Variants in BTRC observed in about 807,000 individuals in gnomAD.
BTRC encodes beta-transducin repeat containing E3 ubiquitin protein ligase, also known as F-box/WD repeat-containing protein 1A.
In BTRC, 42 loss-of-function variants were observed where a neutral mutation model predicts 85.5. The observed-to-expected ratio is 0.49, with a 90% CI of 0.38 to 0.64. The LOEUF (loss-of-function observed/expected upper bound fraction) is 0.64. Ranked by LOEUF, BTRC falls within the 30% of genes least tolerant of loss-of-function variation. The pLI, the probability that BTRC is intolerant of heterozygous loss-of-function variation, is 0.00. For missense variants in BTRC, 594 were observed against 743.5 expected (o/e 0.80, Z 2.34); for synonymous variants, 255 against 263.3 (o/e 0.97, Z 0.30).
intron 3 of BTRC, among the ~76,000 whole-genome samples, chr10:101,465,720 T>G (rs1281749902): frequency 6.6e-6 from 1 of 152,040 alleles, no homozygotes; most frequent in Non-Finnish European, 1.5e-5. Flanking sequence ...GAACAAGAAA[T>G]AATGAAGGTG....
chr10:101,452,229 A>G (rs1944971436), intron 2 of BTRC, among the ~76,000 whole-genome samples: 1 of 152,244 alleles, frequency 6.6e-6, no homozygotes, highest in Non-Finnish European at 1.5e-5. Flanking sequence ...TCTGCATACT[A>G]GCATAAATGC....
At chr10:101,433,028 C>T (rs1462555767) in intron 2 of BTRC, among the ~76,000 whole-genome samples, 1 of 152,080 alleles carries the variant, frequency 6.6e-6, no homozygotes, top group Admixed American at 6.6e-5. Flanking sequence ...TCACATTTGT[C>T]CAGTCGCTAA....
At position 101,553,485 on chromosome 10, in the gene BTRC, G is replaced by C. The variant is rs1015488124; in HGVS notation, c.*362G>C. The C allele has an allele frequency of 6.6e-6, 1 of 152,586 alleles. No individual in the cohort carries two copies. The highest frequency in any genetic ancestry group is 2.4e-5 in the African/African-American group (1 of 41,408). 9.5% of individuals were successfully genotyped at this position (152,586 alleles called of 1,614,324 possible). A position where few individuals can be genotyped will look rare whatever the true frequency, so the allele number is the denominator to read the frequency against. On this transcript the variant is annotated 3_prime_UTR_variant, in exon 15 of 15. Transcript: ENST00000370187. ...TATAAATATATTTAGTGTTTTGCCA[G>C]AATCTCTCTTGCTTTGCCATTAAGC...
chr10:101,436,698 A>G (rs1354506185), intron 2 of BTRC, among the ~76,000 whole-genome samples: 3 of 152,192 alleles, frequency 2.0e-5, no homozygotes, highest in Non-Finnish European at 4.4e-5. Flanking sequence ...TACTTTAGCT[A>G]TCAAGTGTAA....
chr10:101,399,070 A>G (rs965525533), intron 1 of BTRC, among the ~76,000 whole-genome samples: 2 of 152,134 alleles, frequency 1.3e-5, no homozygotes, highest in Admixed American at 1.3e-4. Flanking sequence ...CTCCTGCATC[A>G]GCCTCCTGAG....
chr10:101,415,500 T>TTTTGAGACA (rs1297763309), intron 1 of BTRC, among the ~76,000 whole-genome samples: 2 of 3,524 alleles, frequency 5.7e-4, no homozygotes, highest in Non-Finnish European at 4.5e-3. Flanking sequence ...TGTTATGTTA[T>TTTTGAGACA]GTTATGTTAT....
At chr10:101,391,359 A>C (rs1300681724) in intron 1 of BTRC, among the ~76,000 whole-genome samples, 1 of 152,220 alleles carries the variant, frequency 6.6e-6, no homozygotes, top group African/African-American at 2.4e-5. Flanking sequence ...GTAGAGATCT[A>C]ATTTACCAGC....
intron 8 of BTRC, 97 bp downstream of exon 8, chr10:101,532,529 A>G: frequency 1.4e-6 from 2 of 1,391,930 alleles, no homozygotes; most frequent in Non-Finnish European, 9.5e-7. Context: ...TTATTTCTAG[A>G]AAGTAAGTGA....
chr10:101,354,128 T>C, upstream of BTRC: 1 of 1,544,862 alleles, frequency 6.5e-7, no homozygotes, highest in South Asian at 1.2e-5. Flanking sequence ...GGCTGCGGCC[T>C]GGCACCAAAG....
intron 2 of BTRC, among the ~76,000 whole-genome samples, chr10:101,439,744 G>A (rs1053636572): frequency 2.6e-5 from 4 of 152,234 alleles, no homozygotes; most frequent in Non-Finnish European, 4.4e-5. Context: ...TGGGGCAAAG[G>A]AGATAAAGTT....
At chr10:101,443,323 C>T (rs986655068) in intron 2 of BTRC, among the ~76,000 whole-genome samples, 1 of 152,158 alleles carries the variant, frequency 6.6e-6, no homozygotes, top group African/African-American at 2.4e-5. Flanking sequence ...TTTTGTAAAA[C>T]ATGCAAATGT....
intron 1 of BTRC, among the ~76,000 whole-genome samples, chr10:101,358,608 C>G (rs1470628382): frequency 6.6e-6 from 1 of 152,046 alleles, no homozygotes; most frequent in Non-Finnish European, 1.5e-5. Context: ...TTATTTTTCC[C>G]CTCAAATCTG....
chr10:101,381,989 T>TGGA (rs1942944558), intron 1 of BTRC, among the ~76,000 whole-genome samples: 1 of 86,506 alleles, frequency 1.2e-5, no homozygotes, highest in Non-Finnish European at 2.7e-5. Flanking sequence ...TTTTTTTTTT[T>TGGA]TTTTTTTTTT....
intron 4 of BTRC, among the ~76,000 whole-genome samples, chr10:101,511,195 T>C (rs2061948332): frequency 6.6e-6 from 1 of 152,132 alleles, no homozygotes; most frequent in East Asian, 1.9e-4. Context: ...TTTTCCTTAA[T>C]TCCCACCATT....
chr10:101,508,400 T>C (rs7087443), intron 4 of BTRC, among the ~76,000 whole-genome samples: 152,177 of 152,336 alleles, frequency 1, 76,009 homozygotes, highest in Middle Eastern at 1. Context: ...CTAATCAGAT[T>C]TGACATGTTT....
chr10:101,488,501 CT>C (rs1329265025), intron 4 of BTRC, among the ~76,000 whole-genome samples: 2 of 152,064 alleles, frequency 1.3e-5, no homozygotes, highest in African/African-American at 4.8e-5. Flanking sequence ...AAATTGTAAC[CT>C]TGTTAATCAA....
chr10:101,482,749 AT>A (rs1166089906), intron 4 of BTRC, among the ~76,000 whole-genome samples: 3 of 152,044 alleles, frequency 2.0e-5, no homozygotes, highest in African/African-American at 4.8e-5. Context: ...ACTTGTCATT[AT>A]TTTTGTTGGT....
intron 5 of BTRC, 63 bp from the exon 6 acceptor site, chr10:101,525,950 T>C: frequency 6.6e-7 from 1 of 1,508,906 alleles, no homozygotes; most frequent in Non-Finnish European, 9.1e-7. Flanking sequence ...TAAAGGACCT[T>C]TTGTAAAAAA....
intron 1 of BTRC, among the ~76,000 whole-genome samples, chr10:101,409,250 T>C (rs1943711364): frequency 6.6e-6 from 1 of 152,226 alleles, no homozygotes; most frequent in Admixed American, 6.5e-5. Context: ...CTTCAGCCCT[T>C]GGCAATCACC....
Sources: allele counts gnomAD v4.1 joint callset (sites outside exome capture counted in the v4.1 genomes callset), GRCh38; gene constraint gnomAD v4.1.1; transcripts MANE v1.5; gene names NCBI Gene and HGNC (gene_info 2026-07-23, HGNC 2026-07-21).